MUC12: variants seen among roughly 807,000 people sequenced by gnomAD.
MUC12 encodes the protein mucin-12.
Under a neutral mutation model 230.8 loss-of-function variants are expected in MUC12, and 172 were observed. That is an observed-to-expected ratio of 0.75 (90% confidence interval 0.66 to 0.85). The LOEUF (loss-of-function observed/expected upper bound fraction) is 0.85, where lower values mean the gene tolerates loss of function less well. MUC12 is among the 40% of genes least tolerant of loss of function. The probability of loss-of-function intolerance (pLI) is 0.00; values close to 1 mark genes in which losing one functional copy is unlikely to be tolerated. For missense variants in MUC12, 3,506 were observed against 5,920.6 expected (o/e 0.59, Z 13.38); for synonymous variants, 1,259 against 2,401.9 (o/e 0.52, Z 13.91).
Position 100,995,508 on chromosome 7 carries a change from G to A in MUC12, c.4945G>A (p.Asp1649Asn), listed in dbSNP as rs1216568526. The A allele has an allele frequency of 1.3e-6, 2 of 1,535,572 alleles. No individual in the cohort carries two copies. Among genetic ancestry groups the A allele is most frequent in the Non-Finnish European group, 8.7e-7 (1 of 1,146,764 alleles). The change falls in exon 2 of 12, where the codon GAC (aspartate) becomes AAC (asparagine). Residue 1649 changes from aspartate to asparagine, a missense_variant. Transcript: ENST00000536621. The stretch of plus-strand genomic sequence containing the variant: ...CTCCACTGAAACAACACTCTTACCT[G>A]ACAACACCACAGCCTCAGGCCTCCT... Reference protein sequence around the residue: ...PGSTETTLLPDNTTASGLLEA... With the variant: ...PGSTETTLLPNNTTASGLLEA...
At chr7:100,983,083 A>G (rs1326271614) in intron 1 of MUC12, among the ~76,000 whole-genome samples, 1 of 151,918 alleles carries the variant, frequency 6.6e-6, no homozygotes, top group Non-Finnish European at 1.5e-5. Context: ...AATCTGAGTG[A>G]CCTTGGAAAT....
chr7:101,018,228 C>T (rs111219453), intron 11 of MUC12, among the ~76,000 whole-genome samples: 2 of 1,668 alleles, frequency 1.2e-3, no homozygotes, highest in Non-Finnish European at 2.0e-3. Context: ...TCCCTTCCCC[C>T]GGGACTCCCT....
chr7:101,007,350 T>C (rs1793771208), intron 3 of MUC12, among the ~76,000 whole-genome samples: 1 of 152,238 alleles, frequency 6.6e-6, no homozygotes, highest in Non-Finnish European at 1.5e-5. Context: ...CCTTTCTAAC[T>C]ATACATTTTT....
chr7:101,003,186 C>A lies in MUC12; in HGVS notation c.12623C>A (p.Thr4208Lys). The A allele has an allele frequency of 1.1e-6, 1 of 887,630 alleles. No homozygotes were observed. The highest frequency in any genetic ancestry group is 2.4e-4 in the Middle Eastern group (1 of 4,100). 55.0% of individuals were successfully genotyped at this position (887,630 alleles called of 1,614,324 possible). Residue 4208 changes from threonine to lysine, a missense_variant, in exon 2 of 12, where the codon ACA becomes AAA. By Grantham distance (78) the Thr-to-Lys change is moderately conservative. Transcript: ENST00000536621. ...PDTTLSPASTTSSGVSEESTT... is the reference protein window; with the variant it reads ...PDTTLSPASTKSSGVSEESTT... Reference sequence around the variant, plus strand: ...ACAACACTTTCACCTGCCAGCACGACAAGCTCAGGCGTCAGTGAAGAATCC... The same window carrying A: ...ACAACACTTTCACCTGCCAGCACGAAAAGCTCAGGCGTCAGTGAAGAATCC...
In MUC12 at chr7:100,991,799, C is replaced by A; in HGVS notation, c.1236C>A (p.Tyr412Ter). 6.5e-7 allele frequency: 1 copy of A among 1,537,978 alleles called. No homozygotes were observed. The highest frequency in any genetic ancestry group is 1.4e-5 in the African/African-American group (1 of 73,166). ...CAGCTGCCCTAGCACATACAAGCTA[C>A]CACAGCAGCCTGGGCTCAACTGAAA... ...STTAALAHTS[Y>*]HSSLGSTETT... The change falls in exon 2 of 12, where the codon TAC becomes TAA. Residue 412 changes from tyrosine (Y) to a stop codon, truncating the protein, a stop_gained. Transcript: ENST00000536621. LOFTEE classifies it high-confidence loss of function.
rs1218768324 is a variant in MUC12, at chr7:101,004,496, C to T, written c.13933C>T (p.Pro4645Ser). Residue 4645 changes from proline (P) to serine (S), a missense_variant, in exon 2 of 12, where the codon CCT becomes TCT. Coordinates refer to ENST00000536621, the MANE Select transcript of MUC12 (RefSeq NM_001164462.2). ...CACAACACACACAATATCTTCACCT[C>T]CTAGCACCACATCTGCCCTTGTTGA... ...SSTTHTISSP[P>S]STTSALVEEP... The T allele has an allele frequency of 1.3e-6, 2 of 1,534,302 alleles. No individual in the cohort carries two copies. The highest frequency in any genetic ancestry group is 1.7e-6 in the Non-Finnish European group (2 of 1,146,220).
intron 1 of MUC12, among the ~76,000 whole-genome samples, chr7:100,980,738 G>C (rs1424752408): frequency 6.6e-6 from 1 of 152,050 alleles, no homozygotes; most frequent in African/African-American, 2.4e-5. Flanking sequence ...GCCTGGGCAA[G>C]ATAGTGAGAC....
intron 5 of MUC12, among the ~76,000 whole-genome samples, chr7:101,010,734 C>G (rs547018204): frequency 6.6e-6 from 1 of 152,060 alleles, no homozygotes; most frequent in African/African-American, 2.4e-5. Flanking sequence ...AGGCTGGTCT[C>G]GAACTCCTGA....
intron 6 of MUC12, 124 bp downstream of exon 6, chr7:101,012,571 C>T: frequency 8.3e-7 from 1 of 1,202,144 alleles, no homozygotes; most frequent in Non-Finnish European, 1.1e-6. Flanking sequence ...AACCCAGAAG[C>T]CAGGCCCAGG....
In MUC12 at chr7:101,013,053, C is replaced by T. The variant is rs1188964651; in HGVS notation, c.15549C>T (p.Ala5183=). 1 of 1,537,358 alleles carries T rather than the reference C, an allele frequency of 6.5e-7. No homozygotes were observed. Among genetic ancestry groups the T allele is most frequent in the Non-Finnish European group, 8.7e-7 (1 of 1,146,928 alleles). ...YYVDVLDGKL[A]CVNKCTKGTK... is the part of the protein sequence containing the mutation. ...TGGATGTCTTGGATGGGAAGCTGGC[C>T]TGTGTGAACAAGTGCACCAAAGGAA... The change falls in exon 8 of 12, where the codon GCC becomes GCT. Residue 5183 remains alanine, a synonymous_variant. Transcript: ENST00000536621.
At chr7:101,012,701 A>G in intron 6 of MUC12, 118 bp from the exon 7 acceptor site, 1 of 1,181,684 alleles carries the variant, frequency 8.5e-7, no homozygotes, top group Non-Finnish European at 1.2e-6. Flanking sequence ...GTGGGCAAAG[A>G]CTCCCACGGG....
At position 100,969,654 on chromosome 7, in the gene MUC12, T is replaced by G. The variant is rs1301737795; in HGVS notation, c.32T>G (p.Leu11Arg). 6.5e-7 allele frequency: 1 copy of G among 1,537,282 alleles called. No individual in the cohort carries two copies. The highest frequency in any genetic ancestry group is 8.7e-7 in the Non-Finnish European group (1 of 1,146,938). Residue 11 changes from leucine (L) to arginine (R), a missense_variant, in exon 1 of 12, where the codon CTC becomes CGC. Coordinates refer to ENST00000536621, the MANE Select transcript of MUC12 (RefSeq NM_001164462.2). Reference protein sequence around the residue: MLVIWILTLALRLCASVTTVT... With the variant: MLVIWILTLARRLCASVTTVT... ...GTGATCTGGATTCTGACGCTGGCTC[T>G]CCGGCTCTGCGCGTCCGTTACTACA...
intron 1 of MUC12, among the ~76,000 whole-genome samples, chr7:100,985,416 T>C (rs1793173056): frequency 6.6e-6 from 1 of 152,182 alleles, no homozygotes; most frequent in Non-Finnish European, 1.5e-5. Flanking sequence ...AAAAATCTTA[T>C]AGCCTCCAGC....
At chr7:100,971,747 G>A (rs1352709554) in intron 1 of MUC12, among the ~76,000 whole-genome samples, 2 of 152,310 alleles carry the variant, frequency 1.3e-5, no homozygotes, top group East Asian at 3.8e-4. Context: ...CTTAGGAGGG[G>A]TCCTCCCCAT....
rs542581157 is a variant in MUC12 at position 100,991,161 on chromosome 7, C to A, written c.598C>A (p.Pro200Thr). The change falls in exon 2 of 12, where the codon CCC (proline) becomes ACC (threonine). Residue 200 changes from proline to threonine, a missense_variant. Transcript: ENST00000536621. ...GGAATCTACAGCTTCCCACAGCATC[C>A]CCGGCTCCACAGACACAACACTGTC... ...SQESTASHSI[P>T]GSTDTTLSPG... The A allele has an allele frequency of 4.0e-5, 62 of 1,537,652 alleles. No individual in the cohort carries two copies. In the South Asian group the frequency reaches 7.0e-4, roughly 17 times the overall value.
chr7:100,971,487 A>G (rs1387904688), intron 1 of MUC12, among the ~76,000 whole-genome samples: 1 of 152,306 alleles, frequency 6.6e-6, no homozygotes, highest in Admixed American at 6.5e-5. Flanking sequence ...AAGTTCCACC[A>G]TCCTCCCAGC....
At position 100,995,616 on chromosome 7, in the gene MUC12, G is replaced by A. The variant is rs1287864717; in HGVS notation, c.5053G>A (p.Glu1685Lys). The A allele has an allele frequency of 6.5e-6, 10 of 1,536,876 alleles. No homozygotes were observed. The highest frequency in any genetic ancestry group is 8.7e-6 in the Non-Finnish European group (10 of 1,147,058). ...SPAGSTTRQG[E>K]STTFQSWPSS... is the part of the protein sequence containing the mutation. ...TGCCGGCTCTACAACACGTCAGGGA[G>A]AATCTACCACCTTCCAGAGCTGGCC... The change falls in exon 2 of 12, where the codon GAA becomes AAA. Residue 1685 changes from glutamate (E) to lysine (K), a missense_variant. Coordinates refer to ENST00000536621, the MANE Select transcript of MUC12 (RefSeq NM_001164462.2).
At position 101,015,642 on chromosome 7, in the gene MUC12, G is replaced by A; in HGVS notation, c.15828G>A (p.Trp5276Ter). 1 of 1,537,702 alleles carries A rather than the reference G, an allele frequency of 6.5e-7. No individual in the cohort carries two copies. The highest frequency in any genetic ancestry group is 8.7e-7 in the Non-Finnish European group (1 of 1,147,008). The change falls in exon 10 of 12, where the codon TGG (tryptophan) becomes TGA (stop). Residue 5276 changes from tryptophan to a stop codon, truncating the protein, a stop_gained. Transcript: ENST00000536621. LOFTEE classifies it high-confidence loss of function. Reference protein sequence around the residue: ...HREQYDVPQEWRKEGTPGIFQ... With the variant: ...HREQYDVPQE Reference sequence around the variant, plus strand: ...AACAGTATGATGTGCCTCAAGAGTGGCGAAAGGAAGGCACCCCTGGCATCT... The same window carrying A: ...AACAGTATGATGTGCCTCAAGAGTGACGAAAGGAAGGCACCCCTGGCATCT...
chr7:101,015,502 C>G lies in MUC12; in HGVS notation c.15801-113C>G. Reference sequence around the variant, plus strand: ...TTCTCTGCCATCATCGCTGCCATCTCTGACTCGGGGTGTGGCTGTGACTGT... The same window carrying G: ...TTCTCTGCCATCATCGCTGCCATCTGTGACTCGGGGTGTGGCTGTGACTGT... On this transcript the variant is annotated intron_variant, in intron 9 of 11. Coordinates refer to ENST00000536621, the MANE Select transcript of MUC12 (RefSeq NM_001164462.2). The G allele has an allele frequency of 3.6e-6, 3 of 830,614 alleles. No individual in the cohort carries two copies. In the South Asian group the frequency reaches 5.0e-5, roughly 14 times the overall value. The allele number at this position is 830,614 out of a possible 1,614,324, so 51.5% of individuals were successfully genotyped here.
Sources: gnomAD v4.1 joint callset for allele counts (sites outside exome capture counted in the v4.1 genomes callset) on GRCh38, gnomAD v4.1.1 for gene constraint, MANE v1.5 for transcripts, NCBI Gene and HGNC (gene_info 2026-07-23, HGNC 2026-07-21) for gene names.